The following MMP13 variants were observed in gnomAD, a reference collection of about 807,000 sequenced individuals.
MMP13 encodes the protein collagenase 3.
Under a neutral mutation model 52.1 loss-of-function variants are expected in MMP13, and 45 were observed. The observed-to-expected ratio is 0.86, with a 90% confidence interval of 0.68 to 1.11. The LOEUF is 1.11. Among genes scored for constraint, MMP13 ranks in the 50% least tolerant of loss-of-function variants. The pLI is 0.00. For synonymous variants in MMP13, 200 were observed against 204.4 expected (o/e 0.98, Z 0.18); for missense variants, 576 against 583.8 (o/e 0.99, Z 0.14).
At chr11:102,945,355 C>T in intron 9 of MMP13, 1 of 975,704 alleles carries the variant, frequency 1.0e-6, no homozygotes, top group East Asian at 5.7e-5. Context: ...AGTTTGAATT[C>T]TGGCAATATC....
At position 102,952,299 on chromosome 11, in the gene MMP13, G is replaced by T; in HGVS notation, c.638-126C>A. On this transcript the variant is annotated intron_variant, in intron 4 of 9. Transcript: ENST00000260302. This position sits in a 1 kb window ranked among gnomAD's most constrained non-coding sequence, Gnocchi z 4.3. ...ATATACTTTCTTTTCTCTTTCTTCA[G>T]TCTCCTACTTTTTAAAATCAATATT... The T allele has an allele frequency of 9.9e-7, 1 of 1,009,806 alleles. No homozygotes were observed. The highest frequency in any genetic ancestry group is 1.5e-6 in the Non-Finnish European group (1 of 672,056). 62.6% of individuals were successfully genotyped at this position (1,009,806 alleles called of 1,614,324 possible).
At chr11:102,953,795 A>C (rs1307927645) in intron 4 of MMP13, among the ~76,000 whole-genome samples, 1 of 152,232 alleles carries the variant, frequency 6.6e-6, no homozygotes, top group Non-Finnish European at 1.5e-5. Flanking sequence ...CCATAGATCC[A>C]GCCCTGGTAG....
chr11:102,954,128 T>TA (rs1200779310), intron 4 of MMP13, 28 bp downstream of exon 4: 20 of 1,612,064 alleles, frequency 1.2e-5, no homozygotes, highest in Non-Finnish European at 1.7e-5. Context: ...TAATAACACA[T>TA]AAATGATATC....
intron 9 of MMP13, 32 bp from the exon 10 acceptor site, chr11:102,944,398 G>T (rs1555016418): frequency 5.5e-6 from 8 of 1,448,104 alleles, no homozygotes; most frequent in Admixed American, 1.7e-5. Flanking sequence ...CAATTTCAGA[G>T]TTTGAAAATA....
In MMP13 at chr11:102,949,847, T is replaced by A. The variant is rs1283073997; in HGVS notation, c.917+263A>T. Reference sequence around the variant, plus strand: ...GTCTGTTTTTAAAACAAATGGGATTTCTAGATTTTCTTGGTTATATTTATA... The same window carrying A: ...GTCTGTTTTTAAAACAAATGGGATTACTAGATTTTCTTGGTTATATTTATA... On this transcript the variant is annotated intron_variant, in intron 6 of 9. Transcript: ENST00000260302. This position sits in a 1 kb window ranked among gnomAD's most constrained non-coding sequence, Gnocchi z 4.2. Among the ~76,000 whole-genome samples, 1 of 152,208 alleles carries A rather than the reference T, an allele frequency of 6.6e-6. No homozygotes were observed. The highest frequency in any genetic ancestry group is 1.5e-5 in the Non-Finnish European group (1 of 68,020).
At position 102,949,079 on chromosome 11, in the gene MMP13, G is replaced by A. The variant is rs782152104; in HGVS notation, c.997C>T (p.Arg333Cys). ...TKSFWPELPN[R>C]IDAAYEHPSH... ...GGGTGCTCATATGCAGCATCAATACGGTTGGGAAGTTCTGGCCAAAATGAT... is the reference window on the plus strand; with the variant it reads ...GGGTGCTCATATGCAGCATCAATACAGTTGGGAAGTTCTGGCCAAAATGAT... Residue 333 changes from arginine to cysteine, a missense_variant, in exon 7 of 10, where the codon CGT (arginine) becomes TGT (cysteine). Transcript: ENST00000260302. This position sits in a 1 kb window ranked among gnomAD's most constrained non-coding sequence, Gnocchi z 4.2. 28 of 1,613,696 alleles carry A rather than the reference G, an allele frequency of 1.7e-5. No individual in the cohort carries two copies. Among genetic ancestry groups the A allele is most frequent in the African/African-American group, 4.0e-5 (3 of 74,870 alleles).
At chr11:102,946,834 G>A (rs540405822) in intron 8 of MMP13, among the ~76,000 whole-genome samples, 8 of 152,274 alleles carry the variant, frequency 5.3e-5, no homozygotes, top group African/African-American at 1.9e-4. Flanking sequence ...TCAGAAATAA[G>A]TCAAAAGGCA....
In MMP13 at chr11:102,955,389, G is replaced by C. The variant is rs145545704; in HGVS notation, c.225C>G (p.Phe75Leu). Residue 75 changes from phenylalanine to leucine, a missense_variant, in exon 2 of 10, where the codon TTC (phenylalanine) becomes TTG (leucine). Transcript: ENST00000260302. This position sits in a 1 kb window ranked among gnomAD's most constrained non-coding sequence, Gnocchi z 4.9. ...CAAGTTTGCCAGTCACCTCTAAGCCGAAGAAAGACTGCATTTCTCGGAGCC... is the reference window on the plus strand; with the variant it reads ...CAAGTTTGCCAGTCACCTCTAAGCCCAAGAAAGACTGCATTTCTCGGAGCC... ...TERLREMQSF[F>L]GLEVTGKLDD... The C allele has an allele frequency of 1.9e-6, 3 of 1,614,012 alleles. No homozygotes were observed. The highest frequency in any genetic ancestry group is 2.5e-6 in the Non-Finnish European group (3 of 1,179,962).
rs17860578 is a variant in MMP13, at chr11:102,945,934, C to T, written c.1212-185G>A. 0.076 allele frequency among the ~76,000 whole-genome samples: 11,500 copies of T among 152,182 alleles called. 577 individuals are homozygous for T. Among genetic ancestry groups the T allele is most frequent in the African/African-American group, 0.14 (5,842 of 41,496 alleles). On this transcript the variant is annotated intron_variant, in intron 8 of 9. Transcript: ENST00000260302. ...TACTGAGTGTACAGTGGATGCTTGA[C>T]GAGTATTTGTTGACTTGCCCAAAGG...
chr11:102,945,827 G>T (rs1421195125), intron 8 of MMP13, 78 bp from the exon 9 acceptor site: 14 of 758,848 alleles, frequency 1.8e-5, no homozygotes, highest in Non-Finnish European at 2.6e-5. Flanking sequence ...AGATACAATG[G>T]CATCTTTCAA....
chr11:102,946,710 A>T (rs1860513925), intron 8 of MMP13, among the ~76,000 whole-genome samples: 1 of 152,234 alleles, frequency 6.6e-6, no homozygotes, highest in Non-Finnish European at 1.5e-5. Context: ...CATATCTGAG[A>T]TGCAGTAAGC....
chr11:102,954,095 A>T (rs1464540727), intron 4 of MMP13, 61 bp downstream of exon 4: 7 of 1,587,960 alleles, frequency 4.4e-6, no homozygotes, highest in African/African-American at 1.3e-5. Flanking sequence ...TTAACTTCAT[A>T]CTAGTGTGTT....
At position 102,950,137 on chromosome 11, in the gene MMP13, C is replaced by T. The variant is rs782527417; in HGVS notation, c.890G>A (p.Arg297Gln). 8 of 1,612,834 alleles carry T rather than the reference C, an allele frequency of 5.0e-6. No individual in the cohort carries two copies. Among genetic ancestry groups the T allele is most frequent in the East Asian group, 2.2e-5 (1 of 44,892 alleles). Reference sequence around the variant, plus strand: ...GTCTTTAAAGATCATTGTTTCTCCTCGGAGACTGGTAATGGCATCAAGGGA... The same window carrying T: ...GTCTTTAAAGATCATTGTTTCTCCTTGGAGACTGGTAATGGCATCAAGGGA... ...SLSLDAITSL[R>Q]GETMIFKDRF... is the part of the protein sequence containing the mutation. The change falls in exon 6 of 10, where the codon CGA becomes CAA. Residue 297 changes from arginine to glutamine, a missense_variant. By Grantham distance (43) the Arg-to-Gln change is conservative. Coordinates refer to ENST00000260302, the MANE Select transcript of MMP13 (RefSeq NM_002427.4).
In MMP13 at chr11:102,955,380, C is replaced by T. The variant is rs1565256437; in HGVS notation, c.234G>A (p.Glu78=). 2 of 1,614,020 alleles carry T rather than the reference C, an allele frequency of 1.2e-6. No individual in the cohort carries two copies. Among genetic ancestry groups the T allele is most frequent in the South Asian group, 2.2e-5 (2 of 91,066 alleles). Residue 78 remains glutamate, a synonymous_variant, in exon 2 of 10, where the codon GAG becomes GAA. Coordinates refer to ENST00000260302, the MANE Select transcript of MMP13 (RefSeq NM_002427.4). The surrounding 1 kb of genome is among the most constrained non-coding windows in gnomAD (Gnocchi z 4.9). ...LREMQSFFGL[E]VTGKLDDNTL... ...TGTTATCGTCAAGTTTGCCAGTCAC[C>T]TCTAAGCCGAAGAAAGACTGCATTT...
Position 102,952,874 on chromosome 11 carries a change from G to A in MMP13, c.638-701C>T, listed in dbSNP as rs1273610646. Among the ~76,000 whole-genome samples the A allele has an allele frequency of 6.6e-6, 1 of 152,042 alleles. No individual in the cohort carries two copies. The highest frequency in any genetic ancestry group is 1.5e-5 in the Non-Finnish European group (1 of 67,994). ...TGCAGGTATTTCAAACTGGAAAAAA[G>A]AAAATAAAAAACTAAAAGAAAAATA... On this transcript the variant is annotated intron_variant, in intron 4 of 9. Coordinates refer to ENST00000260302, the MANE Select transcript of MMP13 (RefSeq NM_002427.4). This position sits in a 1 kb window ranked among gnomAD's most constrained non-coding sequence, Gnocchi z 4.3.
chr11:102,949,568 C>T lies in MMP13; in HGVS notation c.918-410G>A, dbSNP rs1555017082. On this transcript the variant is annotated intron_variant, in intron 6 of 9. Coordinates refer to ENST00000260302, the MANE Select transcript of MMP13 (RefSeq NM_002427.4). This position sits in a 1 kb window ranked among gnomAD's most constrained non-coding sequence, Gnocchi z 4.2. ...AGAAACACCCCCCGCCCCACGAGTA[C>T]AATGTAATTAGAGTTATAACAGAGG... 6.6e-6 allele frequency among the ~76,000 whole-genome samples: 1 copy of T among 152,010 alleles called. No homozygotes were observed. The highest frequency in any genetic ancestry group is 1.5e-5 in the Non-Finnish European group (1 of 68,016).
intron 8 of MMP13, among the ~76,000 whole-genome samples, chr11:102,946,310 A>T (rs1555016656): frequency 6.6e-6 from 1 of 152,214 alleles, no homozygotes; most frequent in African/African-American, 2.4e-5. Context: ...CCAGGCAAAC[A>T]TATCCTAAAA....
In MMP13 at chr11:102,947,898, C is replaced by T. The variant is rs781863257; in HGVS notation, c.1204G>A (p.Val402Ile). The T allele has an allele frequency of 1.9e-6, 3 of 1,613,894 alleles. No individual in the cohort carries two copies. The highest frequency in any genetic ancestry group is 4.5e-5 in the East Asian group (2 of 44,878). Residue 402 changes from valine (V) to isoleucine (I), a missense_variant, in exon 8 of 10, where the codon GTC becomes ATC. Transcript: ENST00000260302. ...GKTLLFSGNQ[V>I]WRYDDTNHIM... is the part of the protein sequence containing the mutation. ...TACCTACTGCTGCCATACCTCCAGA[C>T]CTGGTTTCCTGAGAACAGGAGAGTC...
At chr11:102,953,061 G>A (rs1395153380) in intron 4 of MMP13, among the ~76,000 whole-genome samples, 1 of 152,062 alleles carries the variant, frequency 6.6e-6, no homozygotes, top group Non-Finnish European at 1.5e-5. Context: ...AGCAATTAGA[G>A]GTCACATAAT....
Sources: allele counts gnomAD v4.1 joint callset (sites outside exome capture counted in the v4.1 genomes callset), GRCh38; gene constraint gnomAD v4.1.1; non-coding constraint Gnocchi (gnomAD v3.1); transcripts MANE v1.5; gene names NCBI Gene and HGNC (gene_info 2026-07-23, HGNC 2026-07-21).